Variants in SPAG16 observed in about 807,000 individuals in gnomAD.
SPAG16 encodes sperm-associated antigen 16 protein.
SPAG16 carries 86 observed loss-of-function variants against 80.4 expected under a neutral mutation model. The observed-to-expected ratio is 1.07, with a 90% CI of 0.90 to 1.28. The LOEUF is 1.28. Ranked by LOEUF, SPAG16 falls within the 50% of genes most tolerant of loss-of-function variation. The pLI is 0.00. For synonymous variants in SPAG16, 294 were observed against 265.9 expected (o/e 1.11, Z -1.03); for missense variants, 870 against 765.3 (o/e 1.14, Z -1.61).
intron 11 of SPAG16, among the ~76,000 whole-genome samples, chr2:213,928,334 T>C (rs2078588063): frequency 6.6e-6 from 1 of 151,804 alleles, no homozygotes; most frequent in Non-Finnish European, 1.5e-5. Flanking sequence ...CCTCATGATC[T>C]GCCCCCCTCG....
At chr2:213,495,295 T>C (rs540343740) in intron 10 of SPAG16, among the ~76,000 whole-genome samples, 1 of 152,344 alleles carries the variant, frequency 6.6e-6, no homozygotes, top group Admixed American at 6.5e-5. Flanking sequence ...CTGTTGACTT[T>C]GAAAGTTCTA....
chr2:214,388,086 T>G (rs76286512), intron 15 of SPAG16, among the ~76,000 whole-genome samples: 8,781 of 152,180 alleles, frequency 0.058, 636 homozygotes, highest in African/African-American at 0.18. Context: ...TGATACATTT[T>G]TCCTGTTGGA....
At chr2:214,352,474 T>C (rs1196206613) in intron 15 of SPAG16, among the ~76,000 whole-genome samples, 2 of 151,144 alleles carry the variant, frequency 1.3e-5, no homozygotes, top group Non-Finnish European at 2.9e-5. Flanking sequence ...CTTTCTTCAG[T>C]CTTGAAATTC....
chr2:213,544,100 C>A (rs1278752300), intron 10 of SPAG16, among the ~76,000 whole-genome samples: 1 of 149,250 alleles, frequency 6.7e-6, no homozygotes, highest in Non-Finnish European at 1.5e-5. Context: ...ATTGTACTGG[C>A]TTTCTGATTT....
rs184217282 is a variant in SPAG16, at chr2:214,169,733, T to C, written c.1720+20467T>C. On this transcript the variant is annotated intron_variant, in intron 15 of 15. Transcript: ENST00000331683. Reference sequence around the variant, plus strand: ...TCACTACACTGACTTGTTAATTTTGTTTAAACTTTCAGTTAAATGTGGTCT... The same window carrying C: ...TCACTACACTGACTTGTTAATTTTGCTTAAACTTTCAGTTAAATGTGGTCT... Among the ~76,000 whole-genome samples the C allele has an allele frequency of 4.1e-3, 620 of 152,234 alleles. 1 individual carries two copies. The highest frequency in any genetic ancestry group is 0.014 in the African/African-American group (578 of 41,568).
chr2:213,460,306 T>G (rs1483078596), intron 9 of SPAG16, among the ~76,000 whole-genome samples: 16 of 152,232 alleles, frequency 1.1e-4, no homozygotes, highest in Non-Finnish European at 1.5e-4. Flanking sequence ...TACCATTCTC[T>G]GTGTGCAACA....
chr2:213,961,955 A>T (rs1157661639), intron 12 of SPAG16, among the ~76,000 whole-genome samples: 1 of 152,058 alleles, frequency 6.6e-6, no homozygotes, highest in African/African-American at 2.4e-5. Flanking sequence ...TGAAGTATTG[A>T]TATTAATTCT....
chr2:214,121,994 A>G (rs1576277622), intron 14 of SPAG16, among the ~76,000 whole-genome samples: 1 of 151,822 alleles, frequency 6.6e-6, no homozygotes, highest in Non-Finnish European at 1.5e-5. Context: ...CTCAACCTGT[A>G]CTATTGTTAA....
intron 15 of SPAG16, among the ~76,000 whole-genome samples, chr2:214,161,638 A>T (rs1204653128): frequency 6.6e-6 from 1 of 151,916 alleles, no homozygotes; most frequent in Admixed American, 6.6e-5. Flanking sequence ...GAGCACATGG[A>T]CACAGGGAGG....
chr2:214,119,799 T>G (rs2125450678), intron 14 of SPAG16, among the ~76,000 whole-genome samples: 1 of 152,140 alleles, frequency 6.6e-6, no homozygotes, highest in African/African-American at 2.4e-5. Flanking sequence ...GGAAAGTGTG[T>G]GGGTAGTAAA....
At chr2:213,556,701 A>G (rs182592440) in intron 10 of SPAG16, among the ~76,000 whole-genome samples, 3 of 152,280 alleles carry the variant, frequency 2.0e-5, no homozygotes, top group African/African-American at 4.8e-5. Context: ...TAGAAAAATA[A>G]TAAGGAAACA....
intron 9 of SPAG16, among the ~76,000 whole-genome samples, chr2:213,408,390 A>C (rs982961149): frequency 6.6e-6 from 1 of 152,236 alleles, no homozygotes; most frequent in Non-Finnish European, 1.5e-5. Context: ...AAGTAGAAAA[A>C]TAACTTTTAG....
intron 15 of SPAG16, among the ~76,000 whole-genome samples, chr2:214,261,886 T>TG (rs1691205569): frequency 6.6e-6 from 1 of 152,150 alleles, no homozygotes; most frequent in Non-Finnish European, 1.5e-5. Flanking sequence ...CAAAAATTCT[T>TG]GGTAGCATAG....
chr2:214,004,237 C>A (rs904455959), intron 12 of SPAG16, among the ~76,000 whole-genome samples: 3 of 152,070 alleles, frequency 2.0e-5, no homozygotes, highest in African/African-American at 7.2e-5. Flanking sequence ...GAGGGTCTGG[C>A]GTGACCTGAA....
chr2:213,903,742 A>T (rs944554046), intron 11 of SPAG16, among the ~76,000 whole-genome samples: 12 of 152,210 alleles, frequency 7.9e-5, no homozygotes, highest in African/African-American at 2.6e-4. Context: ...CTTTTCTATC[A>T]CATTGTCATT....
intron 10 of SPAG16, among the ~76,000 whole-genome samples, chr2:213,769,289 A>C (rs2069115526): frequency 6.6e-6 from 1 of 152,110 alleles, no homozygotes; most frequent in South Asian, 2.1e-4. Context: ...AGTTGTAGAG[A>C]TCTCTTTCTA....
intron 9 of SPAG16, among the ~76,000 whole-genome samples, chr2:213,470,252 G>A (rs951370638): frequency 4.6e-5 from 7 of 152,178 alleles, no homozygotes; most frequent in African/African-American, 1.7e-4. Context: ...TCAGGATGAT[G>A]GGGAACATGA....
At chr2:213,845,923 T>C (rs180914471) in intron 10 of SPAG16, among the ~76,000 whole-genome samples, 1 of 152,320 alleles carries the variant, frequency 6.6e-6, no homozygotes, top group African/African-American at 2.4e-5. Flanking sequence ...CAGGTAGATA[T>C]CTTCTCATGA....
intron 10 of SPAG16, among the ~76,000 whole-genome samples, chr2:213,733,387 G>A (rs2067143299): frequency 6.6e-6 from 1 of 152,086 alleles, no homozygotes; most frequent in South Asian, 2.1e-4. Flanking sequence ...CCTCCAGTTG[G>A]GAGGAGGAAT....
Sources: allele counts gnomAD v4.1 joint callset (sites outside exome capture counted in the v4.1 genomes callset), GRCh38; gene constraint gnomAD v4.1.1; transcripts MANE v1.5; gene names NCBI Gene and HGNC (gene_info 2026-07-23, HGNC 2026-07-21).